Variants in ACSS3 observed in about 807,000 individuals in gnomAD.
ACSS3 encodes the protein acyl-CoA synthetase short-chain family member 3, mitochondrial.
ACSS3 carries 64 observed loss-of-function variants against 84.2 expected under a neutral mutation model. The ratio of observed to expected loss-of-function variants is 0.76; its 90% CI spans 0.62 to 0.94. ACSS3 has a LOEUF of 0.94. Among genes scored for constraint, ACSS3 ranks in the 40% least tolerant of loss-of-function variants. The pLI is 0.00. For synonymous variants in ACSS3, 317 were observed against 310.1 expected (o/e 1.02, Z -0.23); for missense variants, 815 against 867.6 (o/e 0.94, Z 0.76).
chr12:81,126,012 TAA>T (rs1348684497), intron 2 of ACSS3, among the ~76,000 whole-genome samples: 1 of 152,188 alleles, frequency 6.6e-6, no homozygotes, highest in Non-Finnish European at 1.5e-5. Context: ...CACTTACTTT[TAA>T]AGAGGATGAA....
At chr12:81,139,639 ATTG>A (rs201306319) in intron 4 of ACSS3, among the ~76,000 whole-genome samples, 4 of 113,806 alleles carry the variant, frequency 3.5e-5, no homozygotes, top group Admixed American at 8.7e-5. Context: ...AATAATAATT[ATTG>A]TTATTTTTTT....
Position 81,259,418 on chromosome 12 carries a change from A to G in ACSS3, c.*4496A>G. The G allele has an allele frequency of 1.5e-6, 1 of 660,050 alleles. No homozygotes were observed. Among genetic ancestry groups the G allele is most frequent in the East Asian group, 2.9e-5 (1 of 34,918 alleles). 40.9% of individuals were successfully genotyped at this position (660,050 alleles called of 1,614,324 possible). ...ACAACTGGCTTCATTTCATAAAAGC[A>G]TCTGTTGTACAGAGTTTATGATGTA... is the stretch of plus-strand genomic sequence containing the variant. On this transcript the variant is annotated 3_prime_UTR_variant, in exon 16 of 16. Coordinates refer to ENST00000548058, the MANE Select transcript of ACSS3 (RefSeq NM_024560.4).
intron 7 of ACSS3, among the ~76,000 whole-genome samples, chr12:81,154,939 A>C (rs1886788867): frequency 6.6e-6 from 1 of 152,032 alleles, no homozygotes; most frequent in African/African-American, 2.4e-5. Flanking sequence ...GACTCTGCTT[A>C]GATGTTATAA....
At chr12:81,133,494 C>T (rs566815661) in intron 2 of ACSS3, among the ~76,000 whole-genome samples, 2 of 152,238 alleles carry the variant, frequency 1.3e-5, no homozygotes, top group Non-Finnish European at 2.9e-5. Context: ...CATATGATCT[C>T]CTTTACCTCT....
intron 13 of ACSS3, among the ~76,000 whole-genome samples, chr12:81,251,988 C>T (rs2034169007): frequency 6.6e-6 from 1 of 152,156 alleles, no homozygotes; most frequent in South Asian, 2.1e-4. Flanking sequence ...TACCTATCCA[C>T]CTCTGTAACT....
chr12:81,081,164 A>G (rs1483635348), intron 1 of ACSS3, among the ~76,000 whole-genome samples: 1 of 152,242 alleles, frequency 6.6e-6, no homozygotes, highest in Non-Finnish European at 1.5e-5. Flanking sequence ...GTCTCAGCAT[A>G]TAAATAGTAT....
chr12:81,179,876 C>T (rs960551191), intron 8 of ACSS3, among the ~76,000 whole-genome samples: 1 of 151,612 alleles, frequency 6.6e-6, no homozygotes, highest in Admixed American at 6.6e-5. Context: ...AAAGAGAAGA[C>T]GTTTAATTGG....
intron 11 of ACSS3, among the ~76,000 whole-genome samples, chr12:81,225,105 C>T (rs1401030920): frequency 1.3e-5 from 2 of 151,722 alleles, no homozygotes; most frequent in Non-Finnish European, 2.9e-5. Context: ...GTTTCTCAGG[C>T]ACCCACTGAG....
intron 2 of ACSS3, among the ~76,000 whole-genome samples, chr12:81,132,345 G>T (rs1399421198): frequency 6.6e-6 from 1 of 152,080 alleles, no homozygotes; most frequent in Non-Finnish European, 1.5e-5. Context: ...ATTCTTCCTG[G>T]TTTAGTCTTG....
chr12:81,086,476 C>G (rs1390032034), intron 1 of ACSS3, among the ~76,000 whole-genome samples: 1 of 152,138 alleles, frequency 6.6e-6, no homozygotes, highest in African/African-American at 2.4e-5. Flanking sequence ...ACCTTCAGGA[C>G]AGAACAGAGT....
chr12:81,181,747 C>CAAAAAAAAAAAAAAAAAAAAAAA (rs59878486), intron 8 of ACSS3, among the ~76,000 whole-genome samples: 3 of 47,916 alleles, frequency 6.3e-5, no homozygotes, highest in Non-Finnish European at 1.1e-4. Context: ...ATCAATTAAG[C>CAAAAAAAAAAAAAAAAAAAAAAA]AAAAAAAAAA....
chr12:81,214,214 T>C (rs1472571999), intron 9 of ACSS3, among the ~76,000 whole-genome samples: 1 of 151,810 alleles, frequency 6.6e-6, no homozygotes, highest in Non-Finnish European at 1.5e-5. Flanking sequence ...GTAGTAGAGA[T>C]GGGGCTTCAC....
Position 81,235,220 on chromosome 12 carries a change from T to A in ACSS3, c.1719+1749T>A, listed in dbSNP as rs572137790. Among the ~76,000 whole-genome samples the A allele has an allele frequency of 1.2e-3, 179 of 151,540 alleles. 1 individual carries two copies. The highest frequency in any genetic ancestry group is 9.8e-4 in the Non-Finnish European group (66 of 67,554). On this transcript the variant is annotated intron_variant, in intron 13 of 15. Coordinates refer to ENST00000548058, the MANE Select transcript of ACSS3 (RefSeq NM_024560.4). ...ATTGCCATTGCAACTTTGTCAAAAA[T>A]CAGATGATAATATTGGAGTGGGTCT...
chr12:81,237,180 G>A (rs934988855), intron 13 of ACSS3, among the ~76,000 whole-genome samples: 1 of 151,434 alleles, frequency 6.6e-6, no homozygotes, highest in Non-Finnish European at 1.5e-5. Context: ...TTTTTAGCAG[G>A]TAAATACCCA....
intron 1 of ACSS3, among the ~76,000 whole-genome samples, chr12:81,100,914 C>T (rs1882459713): frequency 6.6e-6 from 1 of 152,258 alleles, no homozygotes; most frequent in Admixed American, 6.5e-5. Context: ...ATGGCCATGC[C>T]TCATTTCAAG....
chr12:81,215,973 T>C (rs2032897160), intron 9 of ACSS3, among the ~76,000 whole-genome samples: 1 of 152,256 alleles, frequency 6.6e-6, no homozygotes, highest in South Asian at 2.1e-4. Context: ...CAGAGTATAG[T>C]CATCTTCCTC....
chr12:81,236,932 A>G (rs927724063), intron 13 of ACSS3, among the ~76,000 whole-genome samples: 2 of 151,234 alleles, frequency 1.3e-5, no homozygotes, highest in Non-Finnish European at 3.0e-5. Flanking sequence ...GCTAATGGCA[A>G]TTTTTCCTAC....
chr12:81,197,985 A>C (rs1029072661), intron 8 of ACSS3, among the ~76,000 whole-genome samples: 4 of 152,112 alleles, frequency 2.6e-5, no homozygotes, highest in Non-Finnish European at 5.9e-5. Context: ...TCCATAAAAA[A>C]CAACTGGCTG....
intron 11 of ACSS3, among the ~76,000 whole-genome samples, chr12:81,229,136 G>T (rs896418209): frequency 3.3e-5 from 5 of 151,614 alleles, no homozygotes; most frequent in African/African-American, 7.3e-5. Flanking sequence ...TTTTTCTTTA[G>T]TATAATAGAG....
Sources: allele counts gnomAD v4.1 joint callset (sites outside exome capture counted in the v4.1 genomes callset), GRCh38; gene constraint gnomAD v4.1.1; transcripts MANE v1.5; gene names NCBI Gene and HGNC (gene_info 2026-07-23, HGNC 2026-07-21).